Variants in MYO9B observed in about 807,000 individuals in gnomAD.
The protein encoded by MYO9B is unconventional myosin-IXb.
In MYO9B, 71 loss-of-function variants were observed where a neutral mutation model predicts 229.5. That is an observed-to-expected ratio of 0.31 (90% CI 0.26 to 0.38). The LOEUF (loss-of-function observed/expected upper bound fraction) is 0.38, where lower values mean the gene tolerates loss of function less well. MYO9B is among the 10% of genes least tolerant of loss of function. The pLI, the probability that MYO9B is intolerant of heterozygous loss-of-function variation, is 1.00. For synonymous variants in MYO9B, 1,185 were observed against 1,235.8 expected (o/e 0.96, Z 0.86); for missense variants, 2,255 against 2,920.5 (o/e 0.77, Z 5.25).
At chr19:17,159,513 G>A (rs192548192) in intron 8 of MYO9B, 29 bp downstream of exon 8, 339 of 1,580,866 alleles carry the variant, frequency 2.1e-4, no homozygotes, top group Non-Finnish European at 2.8e-4. Flanking sequence ...CTCACAGGGT[G>A]CCAGATCCCA....
intron 2 of MYO9B, among the ~76,000 whole-genome samples, chr19:17,137,457 C>T (rs1010583429): frequency 2.0e-5 from 3 of 152,178 alleles, no homozygotes; most frequent in Admixed American, 6.6e-5. Flanking sequence ...TGACCCAGTC[C>T]GCCCCCACCA....
intron 2 of MYO9B, among the ~76,000 whole-genome samples, chr19:17,140,538 G>C (rs2072325720): frequency 6.6e-6 from 1 of 151,510 alleles, no homozygotes; most frequent in South Asian, 2.1e-4. Context: ...GCCCAGGCTG[G>C]AGTGCAATGG....
intron 7 of MYO9B, 95 bp from the exon 8 acceptor site, chr19:17,159,300 C>T (rs1172037663): frequency 6.8e-6 from 8 of 1,172,022 alleles, no homozygotes; most frequent in Non-Finnish European, 9.9e-6. Context: ...CTCCCAGCTG[C>T]CTCAGGCTCC....
chr19:17,159,682 C>T (rs1457214200), intron 8 of MYO9B, among the ~76,000 whole-genome samples, 198 bp downstream of exon 8: 1 of 152,260 alleles, frequency 6.6e-6, no homozygotes, highest in Admixed American at 6.5e-5. Flanking sequence ...CAGGCCAGAA[C>T]TTGAGCCACA....
intron 1 of MYO9B, among the ~76,000 whole-genome samples, chr19:17,080,626 G>C (rs2057525858): frequency 6.6e-6 from 1 of 152,136 alleles, no homozygotes; most frequent in Non-Finnish European, 1.5e-5. Context: ...TCAGCCCTTT[G>C]GGAGGCTGAG....
intron 15 of MYO9B, among the ~76,000 whole-genome samples, chr19:17,182,070 C>G (rs1222009162): frequency 2.1e-5 from 3 of 142,280 alleles, no homozygotes; most frequent in Non-Finnish European, 4.6e-5. Context: ...ATTCACCGCC[C>G]TTTTTTTTTT....
intron 1 of MYO9B, among the ~76,000 whole-genome samples, chr19:17,085,880 T>C (rs1407356949): frequency 6.6e-6 from 1 of 152,098 alleles, no homozygotes; most frequent in Admixed American, 6.5e-5. Context: ...GGGTTTTTCC[T>C]CTGCCCTTCC....
chr19:17,120,502 G>C (rs1283476002), intron 2 of MYO9B, among the ~76,000 whole-genome samples: 2 of 152,012 alleles, frequency 1.3e-5, no homozygotes, highest in Non-Finnish European at 2.9e-5. Context: ...TATTAGCCAG[G>C]CATGTGCCTG....
Position 17,102,076 on chromosome 19 carries a change from A to G in MYO9B, c.359A>G (p.Tyr120Cys), listed in dbSNP as rs2057750284. The change falls in exon 2 of 40, where the codon TAC becomes TGC. Residue 120 changes from tyrosine to cysteine, a missense_variant. This residue lies in a region of MYO9B where 386 missense variants were observed against 515.2 expected (regional missense o/e 0.75). Coordinates refer to ENST00000682292, the MANE Select transcript of MYO9B (RefSeq NM_004145.4). The stretch of plus-strand genomic sequence containing the variant: ...CGCAACGCAGATGGAACCATCAAGT[A>G]CGTGCATATGCAGCTGGTGGCGCAG... ...QERNADGTIK[Y>C]VHMQLVAQAT... 1.2e-6 allele frequency: 2 copies of G among 1,612,744 alleles called. No individual in the cohort carries two copies. The highest frequency in any genetic ancestry group is 1.7e-5 in the Admixed American group (1 of 60,004).
chr19:17,093,858 A>ATTTATTT (rs2057662778), intron 1 of MYO9B, among the ~76,000 whole-genome samples: 2 of 145,568 alleles, frequency 1.4e-5, no homozygotes, highest in Non-Finnish European at 3.0e-5. Flanking sequence ...ATGCCCAGCT[A>ATTTATTT]ATTTATTTAT....
intron 1 of MYO9B, among the ~76,000 whole-genome samples, chr19:17,097,872 T>C (rs528878070): frequency 6.6e-6 from 1 of 152,302 alleles, no homozygotes; most frequent in East Asian, 1.9e-4. Context: ...AGTCTGTGCC[T>C]GAACTATTTC....
In MYO9B at chr19:17,195,349, A is replaced by T. The variant is rs1463018078; in HGVS notation, c.3922A>T (p.Ser1308Cys). ...QRYLDAERLA[S>C]AVELWRGKKL... ...GTACCTGGACGCCGAGCGGCTGGCC[A>T]GCGCCGTGGAACTGTGGCGGGGCAA... Residue 1308 changes from serine to cysteine, a missense_variant, in exon 22 of 40, where the codon AGC (serine) becomes TGC (cysteine). Transcript: ENST00000682292. The surrounding 1 kb of genome is among the most constrained non-coding windows in gnomAD (Gnocchi z 4.5). 2.5e-6 allele frequency: 4 copies of T among 1,612,124 alleles called. No individual in the cohort carries two copies. The highest frequency in any genetic ancestry group is 1.3e-5 in the African/African-American group (1 of 74,930).
At chr19:17,201,403 G>A (rs28659894) in intron 26 of MYO9B, among the ~76,000 whole-genome samples, 4,620 of 152,176 alleles carry the variant, frequency 0.03, 106 homozygotes, top group Middle Eastern at 0.061. Context: ...GCTGCACAGC[G>A]GGCACAGGGG....
rs763754737 is a variant in MYO9B at position 17,209,699 on chromosome 19, G to A, written c.5738G>A (p.Arg1913Gln). 5.6e-6 allele frequency: 9 copies of A among 1,613,576 alleles called. No individual in the cohort carries two copies. Among genetic ancestry groups the A allele is most frequent in the African/African-American group, 1.3e-5 (1 of 74,950 alleles). Residue 1913 changes from arginine to glutamine, a missense_variant, in exon 36 of 40, where the codon CGA (arginine) becomes CAA (glutamine). By Grantham distance (43) the Arg-to-Gln change is conservative. This residue lies in a region of MYO9B where 416 missense variants were observed against 605.5 expected (regional missense o/e 0.69). Coordinates refer to ENST00000682292, the MANE Select transcript of MYO9B (RefSeq NM_004145.4). ...SIAFRRLSLL[R>Q]QNAPWPLKLG... ...GCCTTCCGCAGGCTTTCGCTCCTGC[G>A]ACAAAATGCTGTGAGTACCGGTGAT...
intron 4 of MYO9B, among the ~76,000 whole-genome samples, chr19:17,153,692 T>C (rs1030068861): frequency 8.0e-5 from 11 of 138,028 alleles, no homozygotes; most frequent in Non-Finnish European, 1.2e-4. Flanking sequence ...CAAGACCGTA[T>C]CTCAAAAAAA....
chr19:17,182,760 T>G (rs2072875396), intron 15 of MYO9B, among the ~76,000 whole-genome samples: 1 of 152,180 alleles, frequency 6.6e-6, no homozygotes. Flanking sequence ...GATCTACAAG[T>G]TACCATCTCC....
intron 1 of MYO9B, among the ~76,000 whole-genome samples, chr19:17,081,434 G>A (rs901703069): frequency 1.3e-5 from 2 of 152,184 alleles, no homozygotes; most frequent in African/African-American, 4.8e-5. Context: ...CACTTTAAGG[G>A]TGAGCAGGTT....
chr19:17,172,764 C>A lies in MYO9B; in HGVS notation c.1941C>A (p.Phe647Leu), dbSNP rs1428543197. The change falls in exon 13 of 40, where the codon TTC becomes TTA. Residue 647 changes from phenylalanine (F) to leucine (L), a missense_variant. Phe to Leu is a conservative substitution (Grantham distance 22, BLOSUM62 0). Around this residue, in one of 7 missense-constraint regions of MYO9B, gnomAD observed 220 missense variants for 404.5 expected, o/e 0.54. Transcript: ENST00000682292. This position sits in a 1 kb window ranked among gnomAD's most constrained non-coding sequence, Gnocchi z 8.2. The stretch of plus-strand genomic sequence containing the variant: ...CCACATCCATCCCCCACCAGGACTT[C>A]CGGGAGAAGAACATGGACTACATGC... ...AGKVKYQIKD[F>L]REKNMDYMRP... is the part of the protein sequence containing the mutation. 6 of 1,613,416 alleles carry A rather than the reference C, an allele frequency of 3.7e-6. No individual in the cohort carries two copies. The South Asian group carries it at 5.5e-5, about 15-fold the overall frequency.
At chr19:17,134,392 T>G (rs1411203350) in intron 2 of MYO9B, among the ~76,000 whole-genome samples, 17 of 118,802 alleles carry the variant, frequency 1.4e-4, no homozygotes, top group African/African-American at 3.1e-4. Flanking sequence ...TTTTTTTTTT[T>G]TTTTTTTTTT....
Sources: gnomAD v4.1 joint callset for allele counts (sites outside exome capture counted in the v4.1 genomes callset) on GRCh38, gnomAD v4.1.1 for gene constraint, gnomAD v4.1.1 regional missense constraint, Gnocchi (gnomAD v3.1) non-coding constraint, MANE v1.5 for transcripts, NCBI Gene and HGNC (gene_info 2026-07-23, HGNC 2026-07-21) for gene names.